The following USP34 variants were observed in gnomAD, a reference collection of about 807,000 sequenced individuals.
The protein encoded by USP34 is ubiquitin specific peptidase 34, also known as ubiquitin carboxyl-terminal hydrolase 34.
Under a neutral mutation model 460.3 loss-of-function variants are expected in USP34, and 70 were observed. That is an observed-to-expected ratio of 0.15 (90% CI 0.13 to 0.19). USP34 has a LOEUF of 0.19. USP34 is among the 10% of genes least tolerant of loss of function. The pLI is 1.00. For missense variants in USP34, 3,985 were observed against 4,236.2 expected, an observed-to-expected ratio of 0.94 and a Z score of 1.65; for synonymous variants, 1,647 against 1,405.3, an observed-to-expected ratio of 1.17 and a Z score of -3.85.
chr2:61,196,273 G>A (rs1392540603), intron 75 of USP34, among the ~76,000 whole-genome samples: 2 of 145,922 alleles, frequency 1.4e-5, no homozygotes, highest in Non-Finnish European at 3.0e-5. Context: ...TGTATTTTTA[G>A]TAGAGACGGG....
chr2:61,311,765 A>G lies in USP34; in HGVS notation c.3669+19T>C, dbSNP rs753061325. On this transcript the variant is annotated intron_variant, in intron 26 of 79. Transcript: ENST00000398571. ...CCTGGGAAATGTTATCAACTTCGAAATTAAAACTATGTAAGTACCTTGTCA... is the reference window on the plus strand; with the variant it reads ...CCTGGGAAATGTTATCAACTTCGAAGTTAAAACTATGTAAGTACCTTGTCA... 2.5e-6 allele frequency: 4 copies of G among 1,611,010 alleles called. No homozygotes were observed. The South Asian group carries it at 3.3e-5, about 13-fold the overall frequency.
intron 41 of USP34, among the ~76,000 whole-genome samples, chr2:61,277,304 A>G (rs916271968): frequency 1.4e-5 from 2 of 148,146 alleles, no homozygotes; most frequent in East Asian, 2.0e-4. Flanking sequence ...TGGTGTGATC[A>G]TGGCTCACTG....
At position 61,300,083 on chromosome 2, in the gene USP34, C is replaced by G. The variant is rs77577660; in HGVS notation, c.4128+868G>C. On this transcript the variant is annotated intron_variant, in intron 29 of 79. Transcript: ENST00000398571. ...CCATCCTATTTCAGGGCAACTTGTT[C>G]CTGGACTCGTATATCAAATGCTTTA... 8.9e-3 allele frequency among the ~76,000 whole-genome samples: 1,358 copies of G among 152,272 alleles called. 18 individuals are homozygous for G. Among genetic ancestry groups the G allele is most frequent in the African/African-American group, 0.031 (1,294 of 41,558 alleles).
At chr2:61,228,363 T>C (rs533123068) in intron 61 of USP34, among the ~76,000 whole-genome samples, 5 of 152,282 alleles carry the variant, frequency 3.3e-5, no homozygotes, top group Admixed American at 3.3e-4. Flanking sequence ...ACAAAAACAA[T>C]TCACTATTGA....
rs990333140 is a variant in USP34, at chr2:61,195,884, C to T, written c.9509-2904G>A. Among the ~76,000 whole-genome samples the T allele has an allele frequency of 2.0e-5, 3 of 151,916 alleles. No homozygotes were observed. The South Asian group carries it at 6.2e-4, about 32-fold the overall frequency. On this transcript the variant is annotated intron_variant, in intron 75 of 79. Coordinates refer to ENST00000398571, the MANE Select transcript of USP34 (RefSeq NM_014709.4). ...TCTAGTCATTTCTCCCCTACTATCC[C>T]CCCAAAGTAAAATAATCTTCAATTT...
At chr2:61,409,268 C>T (rs566023303) in intron 2 of USP34, among the ~76,000 whole-genome samples, 5 of 150,256 alleles carry the variant, frequency 3.3e-5, no homozygotes, top group South Asian at 4.2e-4. Context: ...GAGGTCAGGC[C>T]GGGTGTGGTG....
intron 1 of USP34, among the ~76,000 whole-genome samples, chr2:61,443,410 C>G (rs1003518062): frequency 4.0e-5 from 6 of 151,590 alleles, no homozygotes; most frequent in African/African-American, 1.5e-4. Flanking sequence ...AAAAAAATCA[C>G]TACATATCCC....
chr2:61,203,053 G>A, intron 75 of USP34, 87 bp downstream of exon 75: 2 of 1,298,198 alleles, frequency 1.5e-6, no homozygotes, highest in South Asian at 2.2e-5. Flanking sequence ...AGAAAAAAAG[G>A]ATTGTCTCAT....
rs746161609 is a variant in USP34 at position 61,188,054 on chromosome 2, T to TG, written c.*47dup. On this transcript the variant is annotated 3_prime_UTR_variant, in exon 80 of 80. Transcript: ENST00000398571. ...ATAAGCAAAACTTATACAAACAGCA[T>TG]GGGGGTTGGGGGTGAGGGACTTAAA... 6 of 1,562,912 alleles carry TG rather than the reference T, an allele frequency of 3.8e-6. No individual in the cohort carries two copies. The highest frequency in any genetic ancestry group is 3.5e-6 in the Non-Finnish European group (4 of 1,156,946).
At chr2:61,344,927 G>T (rs1366592824) in intron 15 of USP34, among the ~76,000 whole-genome samples, 1 of 152,102 alleles carries the variant, frequency 6.6e-6, no homozygotes, top group Admixed American at 6.6e-5. Flanking sequence ...CAAACATTCT[G>T]CAATGCACAG....
intron 51 of USP34, among the ~76,000 whole-genome samples, chr2:61,243,670 A>G (rs1688340073): frequency 6.6e-6 from 1 of 151,754 alleles, no homozygotes; most frequent in Non-Finnish European, 1.5e-5. Flanking sequence ...CAGGAGATCA[A>G]GACCATCCTA....
chr2:61,295,577 G>T (rs1026103746), intron 30 of USP34, among the ~76,000 whole-genome samples: 1 of 152,136 alleles, frequency 6.6e-6, no homozygotes, highest in Admixed American at 6.5e-5. Flanking sequence ...ACAACATTGT[G>T]ATCTAGTTGA....
chr2:61,311,571 A>G lies in USP34; in HGVS notation c.3786T>C (p.Phe1262=). 6.2e-7 allele frequency: 1 copy of G among 1,609,126 alleles called. No individual in the cohort carries two copies. Among genetic ancestry groups the G allele is most frequent in the Non-Finnish European group, 8.5e-7 (1 of 1,178,384 alleles). ...QINQQAQLQE[F]GQSNRKGEFP... Reference sequence around the variant, plus strand: ...ACTCTCCTTTTCGGTTGCTTTGACCAAACTCCTGAAGCTGAGCTTGTTGAT... The same window carrying G: ...ACTCTCCTTTTCGGTTGCTTTGACCGAACTCCTGAAGCTGAGCTTGTTGAT... The change falls in exon 27 of 80, where the codon TTT becomes TTC. Residue 1262 remains phenylalanine, a synonymous_variant. Transcript: ENST00000398571.
intron 2 of USP34, among the ~76,000 whole-genome samples, chr2:61,410,068 G>C (rs1693994968): frequency 6.6e-6 from 1 of 152,058 alleles, no homozygotes; most frequent in Non-Finnish European, 1.5e-5. Flanking sequence ...ACAGGGACCT[G>C]TTTTGTGGAA....
intron 1 of USP34, among the ~76,000 whole-genome samples, chr2:61,421,701 T>C (rs547242501): frequency 1.3e-5 from 2 of 152,184 alleles, no homozygotes; most frequent in East Asian, 1.9e-4. Flanking sequence ...AAATCCCCTA[T>C]GAAGCAGTAA....
chr2:61,372,834 AAG>A (rs1328762238), intron 8 of USP34, among the ~76,000 whole-genome samples: 1 of 152,208 alleles, frequency 6.6e-6, no homozygotes, highest in Admixed American at 6.5e-5. Flanking sequence ...TCAAAGTGGG[AAG>A]AGGTGCCAGA....
intron 13 of USP34, 88 bp from the exon 14 acceptor site, chr2:61,348,974 A>G: frequency 7.1e-7 from 1 of 1,417,124 alleles, no homozygotes; most frequent in Admixed American, 2.4e-5. Context: ...TCCTTGACCT[A>G]GTTACCAAAG....
chr2:61,324,626 T>C (rs1691027466), intron 21 of USP34, among the ~76,000 whole-genome samples: 1 of 151,904 alleles, frequency 6.6e-6, no homozygotes, highest in African/African-American at 2.4e-5. Flanking sequence ...TTTAAAAAAA[T>C]TAGCTGGCTA....
intron 41 of USP34, among the ~76,000 whole-genome samples, chr2:61,266,587 G>T (rs1689053281): frequency 6.6e-6 from 1 of 152,130 alleles, no homozygotes; most frequent in Non-Finnish European, 1.5e-5. Flanking sequence ...CTGTTGAAAG[G>T]TAGTACTGTT....
Sources: allele counts gnomAD v4.1 joint callset (sites outside exome capture counted in the v4.1 genomes callset), GRCh38; gene constraint gnomAD v4.1.1; transcripts MANE v1.5; gene names NCBI Gene and HGNC (gene_info 2026-07-23, HGNC 2026-07-21).